Variants in CDH24 observed in about 807,000 individuals in gnomAD.
CDH24 encodes the protein cadherin 24.
Under a neutral mutation model 71.2 loss-of-function variants are expected in CDH24, and 61 were observed. The ratio of observed to expected loss-of-function variants is 0.86; its 90% confidence interval spans 0.70 to 1.06. CDH24 has a LOEUF of 1.06. Among genes scored for constraint, CDH24 ranks in the 50% least tolerant of loss-of-function variants. The pLI is 0.00. For synonymous variants in CDH24, 440 were observed against 470.2 expected (o/e 0.94, Z 0.83); for missense variants, 961 against 1,083.7 (o/e 0.89, Z 1.59).
rs1246018445 is a variant in CDH24, at chr14:23,055,464, A to G, written c.201+69T>C. On this transcript the variant is annotated intron_variant, in intron 2 of 12. Coordinates refer to ENST00000487137, the MANE Select transcript of CDH24 (RefSeq NM_144985.4). The surrounding 1 kb of genome is among the most constrained non-coding windows in gnomAD (Gnocchi z 4.1). The stretch of plus-strand genomic sequence containing the variant: ...CCTGAGGGACCAAGGTCATTGCAGA[A>G]GTGATGAAGTTGCAGGGCAGGGCCT... 6.3e-7 allele frequency: 1 copy of G among 1,594,426 alleles called. No homozygotes were observed. The highest frequency in any genetic ancestry group is 1.3e-5 in the African/African-American group (1 of 74,532).
Position 23,055,032 on chromosome 14 carries a change from T to G in CDH24, c.496+27A>C, listed in dbSNP as rs2047116283. ...TGAGAGAGCTCCAGAAGACGGGAAC[T>G]GGGGCATTCAGAGCTGGGGTGCTCA... On this transcript the variant is annotated intron_variant, in intron 3 of 12. Coordinates refer to ENST00000487137, the MANE Select transcript of CDH24 (RefSeq NM_144985.4). This position sits in a 1 kb window ranked among gnomAD's most constrained non-coding sequence, Gnocchi z 4.1. The G allele has an allele frequency of 1.2e-6, 2 of 1,600,916 alleles. No individual in the cohort carries two copies. Among genetic ancestry groups the G allele is most frequent in the African/African-American group, 2.7e-5 (2 of 74,696 alleles).
In CDH24 at chr14:23,055,444, G is replaced by C; in HGVS notation, c.201+89C>G. 3.2e-6 allele frequency: 5 copies of C among 1,585,622 alleles called. No individual in the cohort carries two copies. The South Asian group carries it at 4.6e-5, about 15-fold the overall frequency. ...TTGGGTAGAGCGTTGGGAGTCCTGA[G>C]GGACCAAGGTCATTGCAGAAGTGAT... On this transcript the variant is annotated intron_variant, in intron 2 of 12. Coordinates refer to ENST00000487137, the MANE Select transcript of CDH24 (RefSeq NM_144985.4). This position sits in a 1 kb window ranked among gnomAD's most constrained non-coding sequence, Gnocchi z 4.1.
At chr14:23,052,016 GGCTGCTGGT>G in intron 8 of CDH24, 1 of 1,589,014 alleles carries the variant, frequency 6.3e-7, no homozygotes. Context: ...TCTGGGGTGG[GGCTGCTGGT>G]GCACTCCACT....
intron 7 of CDH24, 117 bp downstream of exon 7, chr14:23,053,379 G>T: frequency 8.1e-7 from 1 of 1,237,238 alleles, no homozygotes. Flanking sequence ...GCTGCAGGGA[G>T]GGAGGCTTTT....
intron 7 of CDH24, 103 bp downstream of exon 7, chr14:23,053,393 G>A (rs575672582): frequency 3.0e-6 from 4 of 1,314,432 alleles, no homozygotes; most frequent in Non-Finnish European, 4.1e-6. Flanking sequence ...GGCTTTTGCT[G>A]GGATATGAGT....
Position 23,047,977 on chromosome 14 carries a change from C to A in CDH24, c.*3G>T. 3.0e-6 allele frequency: 4 copies of A among 1,329,340 alleles called. No homozygotes were observed. Among genetic ancestry groups the A allele is most frequent in the Non-Finnish European group, 2.9e-6 (3 of 1,045,028 alleles). 82.3% of individuals were successfully genotyped at this position (1,329,340 alleles called of 1,614,324 possible). ...CCGCGGTGGGCCGGGCCAGCCCGGG[C>A]GCTCAGGGGGCCGGGGGCTCCTTGG... On this transcript the variant is annotated 3_prime_UTR_variant, in exon 12 of 13. Coordinates refer to ENST00000487137, the MANE Select transcript of CDH24 (RefSeq NM_144985.4).
At position 23,054,022 on chromosome 14, in the gene CDH24, T is replaced by C; in HGVS notation, c.972+119A>G. The C allele has an allele frequency of 8.9e-7, 1 of 1,129,828 alleles. No homozygotes were observed. Among genetic ancestry groups the C allele is most frequent in the Non-Finnish European group, 1.2e-6 (1 of 802,838 alleles). 70.0% of individuals were successfully genotyped at this position (1,129,828 alleles called of 1,614,324 possible). On this transcript the variant is annotated intron_variant, in intron 6 of 12. Coordinates refer to ENST00000487137, the MANE Select transcript of CDH24 (RefSeq NM_144985.4). The surrounding 1 kb of genome is among the most constrained non-coding windows in gnomAD (Gnocchi z 5.2). ...CATCTGAAGGATGAGGAGGTGACCA[T>C]GATCTCTAAGCTCCAACAGAGAGAT...
intron 11 of CDH24, 26 bp from the exon 12 acceptor site, chr14:23,048,505 C>G: frequency 1.3e-6 from 2 of 1,596,808 alleles, no homozygotes; most frequent in Non-Finnish European, 1.7e-6. Context: ...GCACACAGGC[C>G]CTGAGCCAGC....
rs1213835580 is a variant in CDH24 at position 23,051,725 on chromosome 14, A to G, written c.1363+748T>C. Among the ~76,000 whole-genome samples, 1 of 152,240 alleles carries G rather than the reference A, an allele frequency of 6.6e-6. No homozygotes were observed. Among genetic ancestry groups the G allele is most frequent in the East Asian group, 1.9e-4 (1 of 5,200 alleles). On this transcript the variant is annotated intron_variant, in intron 8 of 12. Coordinates refer to ENST00000487137, the MANE Select transcript of CDH24 (RefSeq NM_144985.4). The surrounding 1 kb of genome is among the most constrained non-coding windows in gnomAD (Gnocchi z 4.4). ...CATTCATATAGGCCTTCACTGACACATTCAGATATCCACATATACAAGGGC... is the reference window on the plus strand; with the variant it reads ...CATTCATATAGGCCTTCACTGACACGTTCAGATATCCACATATACAAGGGC...
intron 8 of CDH24, 76 bp downstream of exon 8, chr14:23,052,397 C>G: frequency 6.5e-7 from 1 of 1,538,686 alleles, no homozygotes; most frequent in African/African-American, 1.4e-5. Flanking sequence ...AGTTAGCACC[C>G]TTCTCCACCC....
intron 8 of CDH24, among the ~76,000 whole-genome samples, chr14:23,050,327 T>C (rs2047076697): frequency 6.6e-6 from 1 of 152,164 alleles, no homozygotes; most frequent in Non-Finnish European, 1.5e-5. Context: ...ATATATCCAA[T>C]GTACACTCAA....
intron 8 of CDH24, 34 bp downstream of exon 8, chr14:23,052,439 G>T (rs1229981266): frequency 1.2e-6 from 2 of 1,611,794 alleles, no homozygotes; most frequent in African/African-American, 2.7e-5. Flanking sequence ...CGGCCAGGAG[G>T]CTGCTGCCGC....
chr14:23,053,409 G>A, intron 7 of CDH24, 87 bp downstream of exon 7: 2 of 1,377,594 alleles, frequency 1.5e-6, no homozygotes, highest in Non-Finnish European at 1.9e-6. Context: ...TGAGTGATTT[G>A]CTATAAGGTA....
At position 23,054,838 on chromosome 14, in the gene CDH24, G is replaced by C; in HGVS notation, c.525C>G (p.His175Gln). 1 of 1,613,598 alleles carries C rather than the reference G, an allele frequency of 6.2e-7. No homozygotes were observed. The highest frequency in any genetic ancestry group is 8.5e-7 in the Non-Finnish European group (1 of 1,180,002). ...VGTSVIQVTA[H>Q]DADDPSYGNS... Reference sequence around the variant, plus strand: ...TCCCATAGCTGGGGTCATCAGCATCGTGAGCAGTCACCTGGATCACTGATG... The same window carrying C: ...TCCCATAGCTGGGGTCATCAGCATCCTGAGCAGTCACCTGGATCACTGATG... Residue 175 changes from histidine to glutamine, a missense_variant, in exon 4 of 13, where the codon CAC becomes CAG. Around this residue, in one of 2 missense-constraint regions of CDH24, gnomAD observed 671 missense variants for 810.9 expected, o/e 0.83. Transcript: ENST00000487137. The surrounding 1 kb of genome is among the most constrained non-coding windows in gnomAD (Gnocchi z 5.2).
intron 7 of CDH24, among the ~76,000 whole-genome samples, chr14:23,052,879 C>T (rs76098165): frequency 0.065 from 9,879 of 152,116 alleles, 389 homozygotes; most frequent in South Asian, 0.12. Context: ...CAGACCTTGA[C>T]TCTCAGACTT....
rs1293162236 is a variant in CDH24, at chr14:23,053,549, G to GGTCCCC, written c.1167_1172dup (p.Gly390_Thr391dup). 2.5e-6 allele frequency: 4 copies of GGTCCCC among 1,606,492 alleles called. No homozygotes were observed. The highest frequency in any genetic ancestry group is 3.4e-6 in the Non-Finnish European group (4 of 1,174,276). On this transcript the variant is annotated inframe_insertion, in exon 7 of 13. Coordinates refer to ENST00000487137, the MANE Select transcript of CDH24 (RefSeq NM_144985.4). ...CAGCCGCGGAGATCTGGCCTACCAG[G>GGTCCCC]GTCCCCGGGGCCTTGTTCTCAGGCA...
intron 6 of CDH24, among the ~76,000 whole-genome samples, 185 bp downstream of exon 6, chr14:23,053,956 A>G (rs2047104344): frequency 6.6e-6 from 1 of 152,176 alleles, no homozygotes; most frequent in African/African-American, 2.4e-5. Context: ...TAGCTCCCTC[A>G]TAGACTTGCT....
Position 23,048,310 on chromosome 14 carries a change from G to T in CDH24, c.2016C>A (p.Ala672=), listed in dbSNP as rs745895687. The T allele has an allele frequency of 4.4e-6, 7 of 1,605,704 alleles. No individual in the cohort carries two copies. Among genetic ancestry groups the T allele is most frequent in the East Asian group, 2.2e-5 (1 of 44,476 alleles). Reference sequence around the variant, plus strand: ...GCGCGGGAGGGCCGGGCGCCGGGGGGGCCGCCCCGTCCGGGTTCTGCAAGG... The same window carrying T: ...GCGCGGGAGGGCCGGGCGCCGGGGGTGCCGCCCCGTCCGGGTTCTGCAAGG... ...ITALQNPDGA[A]PPAPGPPARR... Residue 672 remains alanine, a synonymous_variant, in exon 12 of 13, where the codon GCC becomes GCA. Transcript: ENST00000487137.
rs1480667822 is a variant in CDH24, at chr14:23,048,488, G to C, written c.1847-9C>G. On this transcript the variant is annotated splice_polypyrimidine_tract_variant and intron_variant, in intron 11 of 12. Transcript: ENST00000487137. ...GAAGAGCACCACCAGGGCTGCGCGAGAGGCGCGCACACAGGCCCTGAGCCA... is the reference window on the plus strand; with the variant it reads ...GAAGAGCACCACCAGGGCTGCGCGACAGGCGCGCACACAGGCCCTGAGCCA... 1.2e-6 allele frequency: 2 copies of C among 1,602,596 alleles called. No individual in the cohort carries two copies. The highest frequency in any genetic ancestry group is 3.3e-5 in the Admixed American group (2 of 59,900).
Sources: gnomAD v4.1 joint callset for allele counts (sites outside exome capture counted in the v4.1 genomes callset) on GRCh38, gnomAD v4.1.1 for gene constraint, gnomAD v4.1.1 regional missense constraint, Gnocchi (gnomAD v3.1) non-coding constraint, MANE v1.5 for transcripts, NCBI Gene and HGNC (gene_info 2026-07-23, HGNC 2026-07-21) for gene names.